Variants in STAT3 observed in about 807,000 individuals in gnomAD.
STAT3 encodes DNA-binding protein APRF.
STAT3 carries 7 observed loss-of-function variants against 114.3 expected under a neutral mutation model. The ratio of observed to expected loss-of-function variants is 0.06; its 90% CI spans 0.03 to 0.11. STAT3 has a LOEUF of 0.11. STAT3 is among the 10% of genes least tolerant of loss of function. The pLI is 1.00. For missense variants in STAT3, 364 were observed against 960.9 expected (o/e 0.38, Z 8.21); for synonymous variants, 331 against 354.5 (o/e 0.93, Z 0.74).
intron 17 of STAT3, 98 bp from the exon 18 acceptor site, chr17:42,323,723 C>T (rs1184652497): frequency 1.7e-6 from 2 of 1,151,462 alleles, no homozygotes; most frequent in Non-Finnish European, 2.6e-6. Flanking sequence ...CCACAATGGG[C>T]CACAAAATAA....
In STAT3 at chr17:42,373,884, CAA is replaced by C. The variant is rs34354144; in HGVS notation, c.-24+14393_-24+14394del. 5.4e-3 allele frequency among the ~76,000 whole-genome samples: 579 copies of C among 106,580 alleles called. 2 individuals carry two copies. Among genetic ancestry groups the C allele is most frequent in the African/African-American group, 0.017 (489 of 29,330 alleles). 69.9% of individuals were successfully genotyped at this position (106,580 alleles called of 152,430 possible). A position where few individuals can be genotyped will look rare whatever the true frequency, so the allele number is the denominator to read the frequency against. ...TGGGCAACAGAGCGAGACTCCGTCT[CAA>C]AAAAAAAAAAAAAAAATTAATTGAG... On this transcript the variant is annotated intron_variant, in intron 1 of 23. Coordinates refer to ENST00000264657, the MANE Select transcript of STAT3 (RefSeq NM_139276.3).
At chr17:42,378,938 G>A (rs765371408) in intron 1 of STAT3, among the ~76,000 whole-genome samples, 4 of 152,170 alleles carry the variant, frequency 2.6e-5, no homozygotes, top group Admixed American at 6.6e-5. Flanking sequence ...AGCTTTCACC[G>A]AAGCAGGTGC....
Position 42,313,337 on chromosome 17 carries a change from T to A in STAT3, c.*2408A>T, listed in dbSNP as rs1188551640. On this transcript the variant is annotated 3_prime_UTR_variant, in exon 24 of 24. Coordinates refer to ENST00000264657, the MANE Select transcript of STAT3 (RefSeq NM_139276.3). ...GCCATGCTATCAGACGGTTCCTATATAACGTTTATTTCTGGAAGTTAAAGT... is the reference window on the plus strand; with the variant it reads ...GCCATGCTATCAGACGGTTCCTATAAAACGTTTATTTCTGGAAGTTAAAGT... 6.2e-6 allele frequency: 1 copy of A among 162,244 alleles called. No homozygotes were observed. Among genetic ancestry groups the A allele is most frequent in the African/African-American group, 3.1e-5 (1 of 32,468 alleles). The allele number at this position is 162,244 out of a possible 1,614,324, so 10.1% of individuals were successfully genotyped here.
intron 8 of STAT3, among the ~76,000 whole-genome samples, chr17:42,334,669 T>A (rs1207394924): frequency 6.6e-6 from 1 of 152,136 alleles, no homozygotes; most frequent in Non-Finnish European, 1.5e-5. Flanking sequence ...GGTCTTGAAC[T>A]CCTGACCTCA....
chr17:42,313,585 C>T lies in STAT3; in HGVS notation c.*2160G>A, dbSNP rs2081151693. On this transcript the variant is annotated 3_prime_UTR_variant, in exon 24 of 24. Transcript: ENST00000264657. The stretch of plus-strand genomic sequence containing the variant: ...ACAGGAAGCGGGCAGGGCCTGAGGA[C>T]CCTGTTCTTTAATGGGCCACAACAG... 1 of 230,910 alleles carries T rather than the reference C, an allele frequency of 4.3e-6. No individual in the cohort carries two copies. The highest frequency in any genetic ancestry group is 6.1e-5 in the East Asian group (1 of 16,394). The allele number at this position is 230,910 out of a possible 1,614,324, so 14.3% of individuals were successfully genotyped here. A position where few individuals can be genotyped will look rare whatever the true frequency, so the allele number is the denominator to read the frequency against.
chr17:42,345,944 G>A (rs1444389844), intron 3 of STAT3, among the ~76,000 whole-genome samples: 1 of 150,204 alleles, frequency 6.7e-6, no homozygotes, highest in Non-Finnish European at 1.5e-5. Context: ...CGCAATCACG[G>A]CTTATTGCAG....
At chr17:42,380,013 G>A (rs1003219321) in intron 1 of STAT3, among the ~76,000 whole-genome samples, 10 of 152,170 alleles carry the variant, frequency 6.6e-5, no homozygotes, top group African/African-American at 2.4e-4. Context: ...TACCATTTTA[G>A]TTTAGTTTTT....
At chr17:42,343,148 G>T (rs1052195300) in intron 4 of STAT3, among the ~76,000 whole-genome samples, 1 of 149,974 alleles carries the variant, frequency 6.7e-6, no homozygotes, top group Non-Finnish European at 1.5e-5. Context: ...CTCCAGCCTG[G>T]GTGACAGAGT....
At chr17:42,340,065 T>C (rs888150323) in intron 4 of STAT3, among the ~76,000 whole-genome samples, 2 of 152,128 alleles carry the variant, frequency 1.3e-5, no homozygotes, top group Admixed American at 1.3e-4. Context: ...AACTTAAAAA[T>C]TACAGGTTCG....
intron 1 of STAT3, among the ~76,000 whole-genome samples, chr17:42,364,181 T>C (rs941597481): frequency 6.6e-6 from 1 of 152,154 alleles, no homozygotes; most frequent in Non-Finnish European, 1.5e-5. Flanking sequence ...GCCACGATAC[T>C]GAAAAGCATG....
intron 1 of STAT3, among the ~76,000 whole-genome samples, chr17:42,364,540 A>C (rs1263356985): frequency 6.6e-6 from 1 of 152,208 alleles, no homozygotes. Flanking sequence ...ATTAATATTC[A>C]TCTAAGAGAG....
At chr17:42,334,133 A>C in intron 8 of STAT3, 84 bp from the exon 9 acceptor site, 1 of 1,491,724 alleles carries the variant, frequency 6.7e-7, no homozygotes, top group Non-Finnish European at 9.3e-7. Context: ...TACTGAAGAC[A>C]TGGAGACCAC....
intron 14 of STAT3, among the ~76,000 whole-genome samples, chr17:42,327,928 C>T (rs1488028844): frequency 6.6e-6 from 1 of 151,936 alleles, no homozygotes; most frequent in African/African-American, 2.4e-5. Flanking sequence ...CACCTATCGT[C>T]CCAGCTACTT....
chr17:42,362,744 T>C (rs1192148687), intron 1 of STAT3, among the ~76,000 whole-genome samples: 1 of 152,152 alleles, frequency 6.6e-6, no homozygotes, highest in African/African-American at 2.4e-5. Flanking sequence ...AGGAGCCCAA[T>C]AGCGTGCAGC....
chr17:42,337,338 C>A lies in STAT3; in HGVS notation c.797+97G>T. ...AAATTTGAATATGGAAAAGTCCCCA[C>A]GTTGGAGATATAGTACCAATTCTGT... On this transcript the variant is annotated intron_variant, in intron 8 of 23. Coordinates refer to ENST00000264657, the MANE Select transcript of STAT3 (RefSeq NM_139276.3). The surrounding 1 kb of genome is among the most constrained non-coding windows in gnomAD (Gnocchi z 4.0). 7.9e-6 allele frequency: 12 copies of A among 1,517,870 alleles called. No homozygotes were observed. The highest frequency in any genetic ancestry group is 1.1e-5 in the Non-Finnish European group (12 of 1,124,336). The allele number at this position is 1,517,870 out of a possible 1,614,324, so 94.0% of individuals were successfully genotyped here.
At chr17:42,351,412 T>C (rs1008559789) in intron 1 of STAT3, among the ~76,000 whole-genome samples, 1 of 152,056 alleles carries the variant, frequency 6.6e-6, no homozygotes, top group South Asian at 2.1e-4. Flanking sequence ...TGGCTGATTA[T>C]TTTTGTAGAG....
At chr17:42,353,157 G>A (rs903364630) in intron 1 of STAT3, among the ~76,000 whole-genome samples, 2 of 152,088 alleles carry the variant, frequency 1.3e-5, no homozygotes, top group Admixed American at 6.6e-5. Flanking sequence ...AGACCAGACT[G>A]GCCAACATGG....
intron 8 of STAT3, 31 bp from the exon 9 acceptor site, chr17:42,334,080 C>T: frequency 6.2e-7 from 1 of 1,613,134 alleles, no homozygotes; most frequent in South Asian, 1.1e-5. Context: ...ATGCTAATTA[C>T]CAAAGTGAAT....
At chr17:42,370,268 CAG>C (rs1018906931) in intron 1 of STAT3, among the ~76,000 whole-genome samples, 3 of 146,800 alleles carry the variant, frequency 2.0e-5, no homozygotes, top group African/African-American at 7.6e-5. Context: ...TTTTTTGAGA[CAG>C]AGTCTTGCTC....
Sources: gnomAD v4.1 joint callset for allele counts (sites outside exome capture counted in the v4.1 genomes callset) on GRCh38, gnomAD v4.1.1 for gene constraint, Gnocchi (gnomAD v3.1) non-coding constraint, MANE v1.5 for transcripts, NCBI Gene and HGNC (gene_info 2026-07-23, HGNC 2026-07-21) for gene names.